Variants in TMIGD3 observed in about 807,000 individuals in gnomAD.
TMIGD3 encodes the protein AD026 protein (AD026).
In TMIGD3, 21 loss-of-function variants were observed where a neutral mutation model predicts 28.1. That is an observed-to-expected ratio of 0.75 (90% CI 0.53 to 1.08). TMIGD3 has a LOEUF of 1.08. Ranked by LOEUF, TMIGD3 falls within the 50% of genes least tolerant of loss-of-function variation. The probability of loss-of-function intolerance (pLI) is 0.00; values close to 1 mark genes in which losing one functional copy is unlikely to be tolerated. For synonymous variants in TMIGD3, 151 were observed against 162.1 expected (o/e 0.93, Z 0.52); for missense variants, 416 against 435.6 (o/e 0.96, Z 0.40).
At chr1:111,534,069 CTATA>C (rs1221767983) in intron 1 of TMIGD3, among the ~76,000 whole-genome samples, 1 of 152,012 alleles carries the variant, frequency 6.6e-6, no homozygotes, top group African/African-American at 2.4e-5. Flanking sequence ...AATAATGCCT[CTATA>C]TAATAAGAAC....
Position 111,503,072 on chromosome 1 carries a change from G to C in TMIGD3, c.283C>G (p.His95Asp). 2 of 1,614,164 alleles carry C rather than the reference G, an allele frequency of 1.2e-6. No homozygotes were observed. Among genetic ancestry groups the C allele is most frequent in the Non-Finnish European group, 1.7e-6 (2 of 1,180,032 alleles). The change falls in exon 1 of 6, where the codon CAC becomes GAC. Residue 95 changes from histidine to aspartate, a missense_variant. Transcript: ENST00000369716. ...FMTCLLLIFTHASIMSLLAIA... is the reference protein window; with the variant it reads ...FMTCLLLIFTDASIMSLLAIA... Reference sequence around the variant, plus strand: ...GCCAGCAAGGACATGATGGAGGCGTGGGTAAAGATAAGCAGTAGGCAAGTC... The same window carrying C: ...GCCAGCAAGGACATGATGGAGGCGTCGGTAAAGATAAGCAGTAGGCAAGTC...
At chr1:111,508,030 A>G (rs1363640659), upstream of TMIGD3, among the ~76,000 whole-genome samples, 1 of 152,216 alleles carries the variant, frequency 6.6e-6, no homozygotes, top group Admixed American at 6.5e-5. Flanking sequence ...CCCAAGACTC[A>G]CAGGCTGTAG....
chr1:111,518,771 T>C (rs1252418742), intron 1 of TMIGD3, among the ~76,000 whole-genome samples: 1 of 152,226 alleles, frequency 6.6e-6, no homozygotes, highest in Non-Finnish European at 1.5e-5. Flanking sequence ...ATACCATTAA[T>C]GCATTCTGAT....
intron 1 of TMIGD3, among the ~76,000 whole-genome samples, chr1:111,533,183 G>A (rs544830484): frequency 4.6e-5 from 7 of 152,108 alleles, no homozygotes; most frequent in Non-Finnish European, 8.8e-5. Context: ...ATTTTTGTAC[G>A]TGGAGGACAC....
chr1:111,536,076 C>T (rs762640135), intron 1 of TMIGD3, among the ~76,000 whole-genome samples: 51 of 152,172 alleles, frequency 3.4e-4, no homozygotes, highest in Non-Finnish European at 6.0e-4. Context: ...ACTCCAAACA[C>T]CACTTCCATT....
intron 1 of TMIGD3, among the ~76,000 whole-genome samples, chr1:111,494,788 CA>C: frequency 6.6e-6 from 1 of 152,074 alleles, no homozygotes; most frequent in East Asian, 1.9e-4. Flanking sequence ...GGTACTGGTA[CA>C]AAAACAGACA....
intron 3 of TMIGD3, among the ~76,000 whole-genome samples, chr1:111,487,999 T>C (rs907425476): frequency 2.6e-5 from 4 of 152,030 alleles, no homozygotes; most frequent in Admixed American, 2.0e-4. Flanking sequence ...GGGATGGGCT[T>C]TCTCCATGTT....
chr1:111,550,857 T>C (rs1657228196), intron 1 of TMIGD3, among the ~76,000 whole-genome samples: 1 of 152,250 alleles, frequency 6.6e-6, no homozygotes, highest in Non-Finnish European at 1.5e-5. Flanking sequence ...TAAAATTTAT[T>C]CAGACTTGCT....
intron 1 of TMIGD3, among the ~76,000 whole-genome samples, chr1:111,530,547 C>T (rs548450312): frequency 2.0e-5 from 3 of 152,244 alleles, no homozygotes; most frequent in Admixed American, 2.0e-4. Context: ...TCTGGAAGAG[C>T]CATTTGAAAT....
chr1:111,506,989 A>G (rs1022388254), upstream of TMIGD3, among the ~76,000 whole-genome samples: 4 of 143,578 alleles, frequency 2.8e-5, no homozygotes, highest in Non-Finnish European at 3.0e-5. Flanking sequence ...ATACATATAT[A>G]TACATATATA....
At chr1:111,486,700 C>T (rs1487732288) in intron 3 of TMIGD3, 48 bp from the exon 4 acceptor site, 2 of 1,468,426 alleles carry the variant, frequency 1.4e-6, no homozygotes, top group Middle Eastern at 3.5e-4. Context: ...ATAGCCAGGT[C>T]CTACCTCTGC....
chr1:111,523,415 T>C (rs1436412971), intron 1 of TMIGD3, among the ~76,000 whole-genome samples: 3 of 152,192 alleles, frequency 2.0e-5, no homozygotes, highest in African/African-American at 7.2e-5. Flanking sequence ...TCCCCATTTA[T>C]CTAATGACAG....
intron 1 of TMIGD3, among the ~76,000 whole-genome samples, chr1:111,535,645 T>C (rs553417303): frequency 6.6e-6 from 1 of 152,340 alleles, no homozygotes; most frequent in South Asian, 2.1e-4. Flanking sequence ...CACATATTGC[T>C]CAGCAATCAC....
chr1:111,543,766 C>T (rs1656934409), intron 1 of TMIGD3, among the ~76,000 whole-genome samples: 1 of 151,464 alleles, frequency 6.6e-6, no homozygotes, highest in African/African-American at 2.4e-5. Context: ...GCAGATTGGA[C>T]AGCTTCAAAC....
intron 1 of TMIGD3, among the ~76,000 whole-genome samples, chr1:111,558,684 T>C (rs1657612367): frequency 1.3e-5 from 2 of 152,212 alleles, no homozygotes; most frequent in Admixed American, 6.5e-5. Context: ...TAACCATCAA[T>C]GTTTTTATTT....
At chr1:111,533,843 C>T (rs1038724656) in intron 1 of TMIGD3, among the ~76,000 whole-genome samples, 1 of 152,142 alleles carries the variant, frequency 6.6e-6, no homozygotes, top group Middle Eastern at 3.2e-3. Context: ...CATGAGCCAC[C>T]ATGTCCGGCC....
intron 2 of TMIGD3, 45 bp from the exon 3 acceptor site, chr1:111,489,069 C>A: frequency 6.8e-7 from 1 of 1,472,340 alleles, no homozygotes; most frequent in Non-Finnish European, 9.3e-7. Flanking sequence ...ACACACACAC[C>A]ATTGTTCTCT....
chr1:111,508,099 G>A (rs1412504320), upstream of TMIGD3, among the ~76,000 whole-genome samples: 1 of 152,248 alleles, frequency 6.6e-6, no homozygotes, highest in Non-Finnish European at 1.5e-5. Context: ...GTGAGGCCTG[G>A]AAAGGGAGGT....
chr1:111,500,604 G>A (rs1655125667), intron 1 of TMIGD3: 2 of 1,567,256 alleles, frequency 1.3e-6, no homozygotes, highest in Non-Finnish European at 1.7e-6. Context: ...AATTGCTAAA[G>A]GGTAGGGGAG....
Sources: gnomAD v4.1 joint callset for allele counts (sites outside exome capture counted in the v4.1 genomes callset) on GRCh38, gnomAD v4.1.1 for gene constraint, MANE v1.5 for transcripts, NCBI Gene and HGNC (gene_info 2026-07-23, HGNC 2026-07-21) for gene names.